MYO1H: variants seen among roughly 807,000 people sequenced by gnomAD.
The protein encoded by MYO1H is unconventional myosin-Ih.
In MYO1H, 118 loss-of-function variants were observed where a neutral mutation model predicts 149.3. The observed-to-expected ratio is 0.79, with a 90% CI of 0.68 to 0.92. The LOEUF (loss-of-function observed/expected upper bound fraction) is 0.92. MYO1H is among the 40% of genes least tolerant of loss of function. The pLI is 0.00. For synonymous variants in MYO1H, 447 were observed against 465.2 expected (o/e 0.96, Z 0.50); for missense variants, 1,212 against 1,280.7 (o/e 0.95, Z 0.82).
chr12:109,400,365 C>G (rs73192595), intron 5 of MYO1H, among the ~76,000 whole-genome samples: 5,563 of 152,264 alleles, frequency 0.037, 129 homozygotes, highest in Middle Eastern at 0.065. Flanking sequence ...CATTTATATT[C>G]TTCATCCTTT....
chr12:109,434,130 C>T (rs1206903660), intron 20 of MYO1H, among the ~76,000 whole-genome samples: 1 of 152,122 alleles, frequency 6.6e-6, no homozygotes, highest in Non-Finnish European at 1.5e-5. Flanking sequence ...CTGCCTTAGC[C>T]TCTCGAGTAG....
chr12:109,400,333 G>C (rs1001636882), intron 5 of MYO1H, among the ~76,000 whole-genome samples: 1 of 152,094 alleles, frequency 6.6e-6, no homozygotes, highest in East Asian at 1.9e-4. Flanking sequence ...TGATGGTTCC[G>C]GTTGCTCCAT....
chr12:109,417,574 A>G (rs1178794696), intron 15 of MYO1H, among the ~76,000 whole-genome samples: 1 of 151,910 alleles, frequency 6.6e-6, no homozygotes, highest in African/African-American at 2.4e-5. Context: ...TGATGCACCC[A>G]CCTTGGCCTC....
At chr12:109,331,225 T>C in the MYO1H span, among the ~76,000 whole-genome samples, 2 of 152,346 alleles carry the variant, frequency 1.3e-5, no homozygotes, top group South Asian at 4.1e-4. Flanking sequence ...GCAGAGTCTG[T>C]CTTCACTCAC....
At chr12:109,407,198 C>G (rs1188603622) in intron 9 of MYO1H, among the ~76,000 whole-genome samples, 2 of 152,166 alleles carry the variant, frequency 1.3e-5, no homozygotes, top group East Asian at 1.9e-4. Context: ...CCTCAAGGAG[C>G]CTTCTCTGAT....
At chr12:109,421,614 G>A (rs531457973) in intron 16 of MYO1H, among the ~76,000 whole-genome samples, 2 of 152,172 alleles carry the variant, frequency 1.3e-5, no homozygotes, top group South Asian at 2.1e-4. Context: ...AGGTCCACAG[G>A]GGAAGTAGAG....
chr12:109,405,846 C>A, intron 7 of MYO1H, 76 bp from the exon 8 acceptor site: 1 of 1,005,324 alleles, frequency 9.9e-7, no homozygotes, highest in Non-Finnish European at 1.6e-6. Flanking sequence ...CCACTAATGA[C>A]ATGTATCAAT....
chr12:109,423,654 C>T (rs1232786099), intron 16 of MYO1H, among the ~76,000 whole-genome samples: 1 of 152,178 alleles, frequency 6.6e-6, no homozygotes, highest in African/African-American at 2.4e-5. Flanking sequence ...CTTCAGTCCT[C>T]TAGGGACCTT....
chr12:109,429,393 C>T (rs994462642), intron 19 of MYO1H, among the ~76,000 whole-genome samples: 9 of 151,904 alleles, frequency 5.9e-5, no homozygotes, highest in Non-Finnish European at 1.0e-4. Context: ...GAGGATTCAC[C>T]CAACTATGGA....
exon 32 of MYO1H, chr12:109,447,456 T>C (rs1872532691): frequency 1.8e-6 from 1 of 570,114 alleles, no homozygotes; most frequent in South Asian, 2.1e-5. Flanking sequence ...AGGATCTATG[T>C]TCAGTGCGCA....
At chr12:109,321,689 A>T in the MYO1H span, among the ~76,000 whole-genome samples, 1 of 152,216 alleles carries the variant, frequency 6.6e-6, no homozygotes, top group Non-Finnish European at 1.5e-5. Context: ...ACTCTTCTAT[A>T]AGCTCATCAA....
the MYO1H span, among the ~76,000 whole-genome samples, chr12:109,327,118 T>TTTTC: frequency 7.9e-6 from 1 of 127,156 alleles, no homozygotes; most frequent in Non-Finnish European, 1.6e-5. Context: ...TTTCTTTTCT[T>TTTTC]TTTCTTTTTC....
At chr12:109,386,037 A>G (rs1205158753) in intron 1 of MYO1H, among the ~76,000 whole-genome samples, 1 of 152,168 alleles carries the variant, frequency 6.6e-6, no homozygotes, top group African/African-American at 2.4e-5. Context: ...CTCCTCAACT[A>G]GGCAACAATT....
At chr12:109,427,119 C>T (rs1318599869) in intron 18 of MYO1H, among the ~76,000 whole-genome samples, 1 of 152,010 alleles carries the variant, frequency 6.6e-6, no homozygotes, top group Non-Finnish European at 1.5e-5. Flanking sequence ...AGTTCGAGAC[C>T]AGCCTGGCCA....
At chr12:109,359,772 C>T (rs1047107945) in intron 1 of MYO1H, among the ~76,000 whole-genome samples, 1 of 152,206 alleles carries the variant, frequency 6.6e-6, no homozygotes, top group Non-Finnish European at 1.5e-5. Context: ...TTGTGCGGAC[C>T]TGTTTCAATG....
chr12:109,434,529 T>C (rs1871777233), intron 20 of MYO1H, among the ~76,000 whole-genome samples: 1 of 152,220 alleles, frequency 6.6e-6, no homozygotes, highest in Non-Finnish European at 1.5e-5. Context: ...AACACCCATA[T>C]TCTTTGTCGT....
chr12:109,372,377 G>C (rs751935656), intron 1 of MYO1H, among the ~76,000 whole-genome samples: 1 of 151,956 alleles, frequency 6.6e-6, no homozygotes, highest in Non-Finnish European at 1.5e-5. Context: ...TTGAAAATTA[G>C]GTTGATAAAT....
At chr12:109,399,188 T>G (rs73192589) in intron 5 of MYO1H, among the ~76,000 whole-genome samples, 2 of 152,166 alleles carry the variant, frequency 1.3e-5, no homozygotes, top group Non-Finnish European at 2.9e-5. Flanking sequence ...AAAATTTTTT[T>G]GAAACTTCAA....
chr12:109,395,810 T>C (rs1314907476), intron 3 of MYO1H, among the ~76,000 whole-genome samples: 1 of 152,128 alleles, frequency 6.6e-6, no homozygotes, highest in Non-Finnish European at 1.5e-5. Flanking sequence ...GTACACTCTA[T>C]ATTTGATTAG....
Sources: allele counts gnomAD v4.1 joint callset (sites outside exome capture counted in the v4.1 genomes callset), GRCh38; gene constraint gnomAD v4.1.1; transcripts MANE v1.5; gene names NCBI Gene and HGNC (gene_info 2026-07-23, HGNC 2026-07-21).